Variants in FSTL5 observed in about 807,000 individuals in gnomAD.
FSTL5 encodes the protein follistatin-related protein 5.
A neutral mutation model predicts 89.1 loss-of-function variants in FSTL5; 62 were observed. That is an observed-to-expected ratio of 0.70 (90% CI 0.57 to 0.86). The LOEUF is 0.86. FSTL5 is among the 40% of genes least tolerant of loss of function. The pLI is 0.00. For missense variants in FSTL5, 1,057 were observed against 1,001.6 expected, an observed-to-expected ratio of 1.06 and a Z score of -0.75; for synonymous variants, 383 against 346.2, an observed-to-expected ratio of 1.11 and a Z score of -1.18.
intron 2 of FSTL5, among the ~76,000 whole-genome samples, chr4:162,091,626 G>T (rs1035927095): frequency 6.6e-6 from 1 of 152,004 alleles, no homozygotes; most frequent in East Asian, 1.9e-4. Flanking sequence ...ATCCTCCAAG[G>T]TTTCATTTGT....
chr4:161,476,173 G>GTTTTTTTTTTTTTTTTTT lies in FSTL5; in HGVS notation c.1608+4846_1608+4847insAAAAAAAAAAAAAAAAAA, dbSNP rs1231231673. On this transcript the variant is annotated intron_variant, in intron 13 of 15. Coordinates refer to ENST00000306100, the MANE Select transcript of FSTL5 (RefSeq NM_020116.5). ...TTCTTCTCCTTCTTCAAGTTTGCTG[G>GTTTTTTTTTTTTTTTTTT]TTTTTTTTTTTTTTTGTTTGTTTGT... 9.5e-3 allele frequency among the ~76,000 whole-genome samples: 762 copies of GTTTTTTTTTTTTTTTTTT among 80,468 alleles called. 13 individuals carry two copies. The highest frequency in any genetic ancestry group is 0.023 in the African/African-American group (424 of 18,456). The allele number at this position is 80,468 out of a possible 152,430, so 52.8% of individuals were successfully genotyped here. A position where few individuals can be genotyped will look rare whatever the true frequency, so the allele number is the denominator to read the frequency against.
At chr4:161,744,985 C>T (rs1017920786) in intron 6 of FSTL5, among the ~76,000 whole-genome samples, 14 of 151,064 alleles carry the variant, frequency 9.3e-5, no homozygotes, top group African/African-American at 3.4e-4. Flanking sequence ...ATTTATTCTG[C>T]TTTATCGGAT....
At chr4:161,848,036 C>CA (rs139315536) in intron 4 of FSTL5, among the ~76,000 whole-genome samples, 28,449 of 48,090 alleles carry the variant, frequency 0.59, 11,102 homozygotes, top group East Asian at 0.81. Context: ...GACTCCGTCT[C>CA]AAAAAAAAAA....
intron 15 of FSTL5, among the ~76,000 whole-genome samples, chr4:161,446,189 A>C (rs955380244): frequency 2.6e-5 from 4 of 152,004 alleles, no homozygotes; most frequent in Non-Finnish European, 5.9e-5. Flanking sequence ...TGCCCACCCA[A>C]AACTGCCTGC....
Position 161,481,065 on chromosome 4 carries a change from C to G in FSTL5, c.1563G>C (p.Leu521Phe), listed in dbSNP as rs779619865. Residue 521 changes from leucine (L) to phenylalanine (F), a missense_variant, in exon 13 of 16, where the codon TTG (leucine) becomes TTC (phenylalanine). Physicochemically the swap from Leu to Phe is conservative, Grantham distance 22 (BLOSUM62 0). This residue lies in a region of FSTL5 where 980 missense variants were observed against 903.2 expected (regional missense o/e 1.08). Transcript: ENST00000306100. ...GCACATCAACAATAAGGACTCTGTC[C>G]AAAGTTGGCTGTGCAACATAAATGA... ...DKFIYVAQPT[L>F]DRVLIVDVQS... 5 of 1,612,872 alleles carry G rather than the reference C, an allele frequency of 3.1e-6. No homozygotes were observed. The East Asian group carries it at 1.1e-4, about 36-fold the overall frequency.
chr4:161,934,104 A>G lies in FSTL5; in HGVS notation c.161-13452T>C, dbSNP rs1411281038. Among the ~76,000 whole-genome samples, 5 of 152,116 alleles carry G rather than the reference A, an allele frequency of 3.3e-5. No homozygotes were observed. The East Asian group carries it at 7.7e-4, about 23-fold the overall frequency. On this transcript the variant is annotated intron_variant, in intron 3 of 15. Transcript: ENST00000306100. ...TACTTGTTTCTTGTTTTACAAATAA[A>G]GAAGAAACTAGCTCCAAATAGTTAC... is the stretch of plus-strand genomic sequence containing the variant.
chr4:161,613,624 C>T (rs1257661350), intron 7 of FSTL5, among the ~76,000 whole-genome samples: 6 of 152,114 alleles, frequency 3.9e-5, no homozygotes, highest in South Asian at 4.1e-4. Flanking sequence ...CTTCAAATAT[C>T]ATCCACCATA....
chr4:161,778,908 T>G (rs1741519311), intron 4 of FSTL5, among the ~76,000 whole-genome samples: 1 of 152,214 alleles, frequency 6.6e-6, no homozygotes, highest in South Asian at 2.1e-4. Context: ...AAAAGGATTA[T>G]ACACCATTCC....
intron 4 of FSTL5, among the ~76,000 whole-genome samples, chr4:161,895,985 C>T (rs1034505194): frequency 2.0e-5 from 3 of 152,098 alleles, no homozygotes; most frequent in Non-Finnish European, 2.9e-5. Context: ...ACCAAAGTCA[C>T]AGGACAAAAG....
At chr4:162,089,632 C>CA (rs755573032) in intron 2 of FSTL5, among the ~76,000 whole-genome samples, 741 of 42,266 alleles carry the variant, frequency 0.018, 17 homozygotes, top group African/African-American at 0.05. Flanking sequence ...GAATCTGTCT[C>CA]AAAAAAAAAA....
At chr4:161,578,880 A>G (rs964771689) in intron 8 of FSTL5, among the ~76,000 whole-genome samples, 8 of 152,158 alleles carry the variant, frequency 5.3e-5, no homozygotes, top group African/African-American at 1.7e-4. Flanking sequence ...AATATCCAAC[A>G]GAAATATTAT....
chr4:161,996,588 A>C (rs146782519), intron 3 of FSTL5, among the ~76,000 whole-genome samples: 1,546 of 152,326 alleles, frequency 0.01, 13 homozygotes, highest in Middle Eastern at 0.02. Flanking sequence ...TCTGAAATAT[A>C]AAACTGATCA....
At chr4:162,016,177 T>G (rs1736911711) in intron 3 of FSTL5, among the ~76,000 whole-genome samples, 3 of 152,246 alleles carry the variant, frequency 2.0e-5, no homozygotes, top group Admixed American at 1.3e-4. Context: ...TTCTCTAGCC[T>G]TATTTGCTCA....
At chr4:161,862,733 AAAAT>A (rs745449244) in intron 4 of FSTL5, among the ~76,000 whole-genome samples, 7 of 152,166 alleles carry the variant, frequency 4.6e-5, no homozygotes, top group Non-Finnish European at 8.8e-5. Flanking sequence ...TCCATCTCAA[AAAAT>A]AAATAAATAA....
intron 6 of FSTL5, among the ~76,000 whole-genome samples, chr4:161,676,588 C>T (rs1417020850): frequency 6.6e-6 from 1 of 151,984 alleles, no homozygotes; most frequent in Non-Finnish European, 1.5e-5. Flanking sequence ...ACTACCATGA[C>T]ACGTGTATAC....
rs561717502 is a variant in FSTL5 at position 161,572,076 on chromosome 4, G to A, written c.1015+15379C>T. 4.6e-5 allele frequency among the ~76,000 whole-genome samples: 7 copies of A among 152,064 alleles called. No individual in the cohort carries two copies. In the East Asian group the frequency reaches 7.8e-4, roughly 17 times the overall value. On this transcript the variant is annotated intron_variant, in intron 8 of 15. Transcript: ENST00000306100. ...TGTAATTCCAGCACTTTGTGAGGCC[G>A]AGGCGGGTGGATCACCTGGGGTCAG...
chr4:161,452,313 T>C (rs1387886552), intron 15 of FSTL5, among the ~76,000 whole-genome samples: 1 of 152,046 alleles, frequency 6.6e-6, no homozygotes, highest in African/African-American at 2.4e-5. Flanking sequence ...CCGTCTCTAC[T>C]AAAAATACAA....
intron 4 of FSTL5, among the ~76,000 whole-genome samples, chr4:161,861,626 A>G (rs1731919388): frequency 6.6e-6 from 1 of 152,200 alleles, no homozygotes; most frequent in South Asian, 2.1e-4. Flanking sequence ...AAATCCAGGT[A>G]GCATTATATT....
At chr4:162,110,463 ATCT>A (rs1421269738) in intron 2 of FSTL5, among the ~76,000 whole-genome samples, 2 of 151,876 alleles carry the variant, frequency 1.3e-5, no homozygotes, top group African/African-American at 4.8e-5. Flanking sequence ...GGGAAAAAAA[ATCT>A]ATTTGTTTAT....
Sources: allele counts gnomAD v4.1 joint callset (sites outside exome capture counted in the v4.1 genomes callset), GRCh38; gene constraint gnomAD v4.1.1; regional missense constraint gnomAD v4.1.1; transcripts MANE v1.5; gene names NCBI Gene and HGNC (gene_info 2026-07-23, HGNC 2026-07-21).